The following UBXN7 variants were observed in gnomAD, a reference collection of about 807,000 sequenced individuals.
UBXN7 encodes UBX domain-containing protein 7.
UBXN7 carries 9 observed loss-of-function variants against 58.0 expected under a neutral mutation model. That is an observed-to-expected ratio of 0.16 (90% CI 0.09 to 0.27). UBXN7 has a LOEUF of 0.27. UBXN7 is among the 10% of genes least tolerant of loss of function. The pLI is 1.00. For missense variants in UBXN7, 328 were observed against 599.6 expected (o/e 0.55, Z 4.73); for synonymous variants, 208 against 205.0 (o/e 1.01, Z -0.12).
chr3:196,391,526 T>C (rs1297334190), intron 5 of UBXN7, among the ~76,000 whole-genome samples: 1 of 151,970 alleles, frequency 6.6e-6, no homozygotes, highest in South Asian at 2.1e-4. Context: ...AACCTAGGCA[T>C]TCGAGACCAG....
chr3:196,411,989 G>A (rs1471739762), intron 1 of UBXN7, among the ~76,000 whole-genome samples: 1 of 152,118 alleles, frequency 6.6e-6, no homozygotes, highest in African/African-American at 2.4e-5. Flanking sequence ...GGCACTTTGG[G>A]AGGCTGAGGT....
At chr3:196,419,825 CTG>C (rs1443491546) in intron 1 of UBXN7, among the ~76,000 whole-genome samples, 1 of 152,190 alleles carries the variant, frequency 6.6e-6, no homozygotes, top group Non-Finnish European at 1.5e-5. Context: ...CAGAATAAAT[CTG>C]TGTTAAACCA....
At chr3:196,385,054 C>A (rs191990504) in intron 5 of UBXN7, among the ~76,000 whole-genome samples, 1 of 152,356 alleles carries the variant, frequency 6.6e-6, no homozygotes, top group Non-Finnish European at 1.5e-5. Context: ...TGATGCTGAG[C>A]CGAGGCTGGA....
intron 3 of UBXN7, among the ~76,000 whole-genome samples, chr3:196,400,890 G>A (rs981066090): frequency 1.3e-5 from 2 of 151,902 alleles, no homozygotes; most frequent in Admixed American, 1.3e-4. Context: ...GCTTCCAAGG[G>A]CATTACTCTT....
chr3:196,391,998 C>CA, intron 4 of UBXN7, 73 bp from the exon 5 acceptor site: 1 of 527,160 alleles, frequency 1.9e-6, no homozygotes, highest in East Asian at 4.6e-5. Flanking sequence ...AAAAAAAAAA[C>CA]ACAAACTTCT....
In UBXN7 at chr3:196,361,833, C is replaced by T. The variant is rs1681656121; in HGVS notation, c.1308+11G>A. 6.2e-7 allele frequency: 1 copy of T among 1,612,922 alleles called. No individual in the cohort carries two copies. Among genetic ancestry groups the T allele is most frequent in the African/African-American group, 1.3e-5 (1 of 74,854 alleles). On this transcript the variant is annotated intron_variant, in intron 10 of 10. Transcript: ENST00000296328. ...GTGGTCGGAACTGAACCAAAGCAAG[C>T]CTGTACTTACTAGCAGTTTAGCTTG...
intron 1 of UBXN7, among the ~76,000 whole-genome samples, chr3:196,429,388 A>C (rs533343883): frequency 6.6e-6 from 1 of 152,098 alleles, no homozygotes; most frequent in African/African-American, 2.4e-5. Flanking sequence ...GATCTGTTCT[A>C]TTCAGTAAGA....
At chr3:196,399,996 G>A (rs759265110) in intron 3 of UBXN7, 1 of 152,188 alleles carries the variant, frequency 6.6e-6, no homozygotes, top group Non-Finnish European at 1.5e-5. Context: ...GTTCTGGCCT[G>A]TAGTGTGCTA....
rs751373073 is a variant in UBXN7, at chr3:196,348,528, C to G, written c.*8157G>C. On this transcript the variant is annotated 3_prime_UTR_variant, in exon 11 of 11. Coordinates refer to ENST00000296328, the MANE Select transcript of UBXN7 (RefSeq NM_015562.2). ...AAATCTCAGTAAGACCACCCCCACA[C>G]ACACTTTGTCCAGAATAAGTTGAGC... is the stretch of plus-strand genomic sequence containing the variant. 2.0e-5 allele frequency: 3 copies of G among 152,200 alleles called. No individual in the cohort carries two copies. Among genetic ancestry groups the G allele is most frequent in the Admixed American group, 6.5e-5 (1 of 15,270 alleles). The allele number at this position is 152,200 out of a possible 1,614,324, so 9.4% of individuals were successfully genotyped here. A position where few individuals can be genotyped will look rare whatever the true frequency, so the allele number is the denominator to read the frequency against.
rs1729656563 is a variant in UBXN7, at chr3:196,393,759, G to A, written c.290-140C>T. ...TGCATGTCACCCTTGCACAGGGGCC[G>A]TGCTAATCTCTGTCTCGTTCCAATT... On this transcript the variant is annotated intron_variant, in intron 3 of 10. Transcript: ENST00000296328. 3.9e-5 allele frequency: 27 copies of A among 694,974 alleles called. No individual in the cohort carries two copies. In the South Asian group the frequency reaches 4.9e-4, roughly 13 times the overall value. 43.1% of individuals were successfully genotyped at this position (694,974 alleles called of 1,614,324 possible).
At chr3:196,431,218 C>G (rs939248377) in intron 1 of UBXN7, among the ~76,000 whole-genome samples, 4 of 152,142 alleles carry the variant, frequency 2.6e-5, no homozygotes, top group Non-Finnish European at 4.4e-5. Flanking sequence ...AAGTATAGAT[C>G]CGTTGAGAGG....
Position 196,355,277 on chromosome 3 carries a change from A to AGTTTTG in UBXN7, c.*1407_*1408insCAAAAC, listed in dbSNP as rs1728314132. 1 of 151,938 alleles carries AGTTTTG rather than the reference A, an allele frequency of 6.6e-6. No individual in the cohort carries two copies. The highest frequency in any genetic ancestry group is 1.5e-5 in the Non-Finnish European group (1 of 68,004). 9.4% of individuals were successfully genotyped at this position (151,938 alleles called of 1,614,324 possible). A position where few individuals can be genotyped will look rare whatever the true frequency, so the allele number is the denominator to read the frequency against. ...TAGTTTTGCCACCAGAATCACGACT[A>AGTTTTG]CCCCCCCTTCAGAGGACTCCATTTA... On this transcript the variant is annotated 3_prime_UTR_variant, in exon 11 of 11. Coordinates refer to ENST00000296328, the MANE Select transcript of UBXN7 (RefSeq NM_015562.2).
chr3:196,362,696 T>C lies in UBXN7; in HGVS notation c.835-9A>G, dbSNP rs1431985383. On this transcript the variant is annotated splice_polypyrimidine_tract_variant and intron_variant, in intron 8 of 10. Coordinates refer to ENST00000296328, the MANE Select transcript of UBXN7 (RefSeq NM_015562.2). ...GCATCTATAAGGCTCTCCTGTGAGA[T>C]GGAGTCATAAAACACAGGAAAAAGA... is the stretch of plus-strand genomic sequence containing the variant. The C allele has an allele frequency of 6.3e-6, 10 of 1,591,212 alleles. No homozygotes were observed. The highest frequency in any genetic ancestry group is 8.6e-6 in the Non-Finnish European group (10 of 1,165,642).
intron 9 of UBXN7, 90 bp from the exon 10 acceptor site, chr3:196,362,013 C>T (rs1728519016): frequency 1.6e-6 from 2 of 1,274,390 alleles, no homozygotes; most frequent in South Asian, 2.6e-5. Context: ...ATAAATACAG[C>T]CATTCAGCAA....
rs549119450 is a variant in UBXN7, at chr3:196,432,403, A to ACCG, written c.-7_-5dup. The ACCG allele has an allele frequency of 5.3e-3, 8,400 of 1,586,374 alleles. 30 individuals are homozygous for ACCG. The highest frequency in any genetic ancestry group is 8.1e-3 in the African/African-American group (601 of 74,440). Reference sequence around the variant, plus strand: ...CGGAGCCCCCGTGGGCAGCCATCTTACCGCCGCCGCCGCCGCCGAACAACA... The same window carrying ACCG: ...CGGAGCCCCCGTGGGCAGCCATCTTACCGCCGCCGCCGCCGCCGCCGAACAACA... On this transcript the variant is annotated 5_prime_UTR_variant, in exon 1 of 11. Transcript: ENST00000296328.
chr3:196,356,852 A>C lies in UBXN7; in HGVS notation c.1309-6T>G. ...TGCACGTGCTTCACCAAAGCCTATA[A>C]AAACAAGAGAAAGACAAAGCCATTA... On this transcript the variant is annotated splice_region_variant and splice_polypyrimidine_tract_variant and intron_variant, in intron 10 of 10. Coordinates refer to ENST00000296328, the MANE Select transcript of UBXN7 (RefSeq NM_015562.2). 1.3e-6 allele frequency: 2 copies of C among 1,599,210 alleles called. No homozygotes were observed. The highest frequency in any genetic ancestry group is 1.7e-6 in the Non-Finnish European group (2 of 1,176,820).
At position 196,398,916 on chromosome 3, in the gene UBXN7, C is replaced by CGGATTACAGGT. The variant is rs1729862719; in HGVS notation, c.289+4025_289+4035dup. Among the ~76,000 whole-genome samples, 3 of 151,646 alleles carry CGGATTACAGGT rather than the reference C, an allele frequency of 2.0e-5. No homozygotes were observed. The South Asian group carries it at 6.3e-4, about 32-fold the overall frequency. On this transcript the variant is annotated intron_variant, in intron 3 of 10. Coordinates refer to ENST00000296328, the MANE Select transcript of UBXN7 (RefSeq NM_015562.2). The stretch of plus-strand genomic sequence containing the variant: ...CCTCCGAAAGTAATCCCAAAGTGTT[C>CGGATTACAGGT]GGATTACAGGTGTGAGTCACCACGT...
At chr3:196,395,856 C>G (rs981527919) in intron 3 of UBXN7, among the ~76,000 whole-genome samples, 7 of 152,248 alleles carry the variant, frequency 4.6e-5, no homozygotes, top group African/African-American at 1.7e-4. Flanking sequence ...ACCTCCGCCT[C>G]CCAGGTTCAA....
intron 1 of UBXN7, among the ~76,000 whole-genome samples, chr3:196,417,677 C>T (rs192873108): frequency 2.4e-5 from 3 of 125,536 alleles, no homozygotes; most frequent in East Asian, 2.6e-4. Context: ...CCGAGGCAGA[C>T]GGACTGCTTG....
Sources: gnomAD v4.1 joint callset for allele counts (sites outside exome capture counted in the v4.1 genomes callset) on GRCh38, gnomAD v4.1.1 for gene constraint, MANE v1.5 for transcripts, NCBI Gene and HGNC (gene_info 2026-07-23, HGNC 2026-07-21) for gene names.